Variants in ARHGEF10 observed in about 807,000 individuals in gnomAD.
ARHGEF10 encodes the protein Rho guanine nucleotide exchange factor 10, also known as Rho guanine nucleotide exchange factor (GEF) 10.
A neutral mutation model predicts 147.4 loss-of-function variants in ARHGEF10; 140 were observed. The ratio of observed to expected loss-of-function variants is 0.95; its 90% CI spans 0.83 to 1.09. ARHGEF10 has a LOEUF of 1.09. Ranked by LOEUF, ARHGEF10 falls within the 50% of genes least tolerant of loss-of-function variation. ARHGEF10 has a pLI of 0.00. For missense variants in ARHGEF10, 2,222 were observed against 1,752.7 expected (o/e 1.27, Z -4.78); for synonymous variants, 902 against 695.8 (o/e 1.30, Z -4.67).
Position 1,882,747 on chromosome 8 carries a change from A to G in ARHGEF10, c.1073A>G (p.Gln358Arg), listed in dbSNP as rs1009081245. 25 of 1,402,916 alleles carry G rather than the reference A, an allele frequency of 1.8e-5. No homozygotes were observed. Among genetic ancestry groups the G allele is most frequent in the Non-Finnish European group, 2.4e-5 (25 of 1,055,152 alleles). 86.9% of individuals were successfully genotyped at this position (1,402,916 alleles called of 1,614,324 possible). Residue 358 changes from glutamine (Q) to arginine (R), a missense_variant and splice_region_variant, in exon 10 of 29, where the codon CAG becomes CGG. Physicochemically the swap from Gln to Arg is conservative, Grantham distance 43 (BLOSUM62 1). Transcript: ENST00000349830. ...SFIRTKSLIA[Q>R]DHRSSLEEEQ... Reference sequence around the variant, plus strand: ...ATCAGGACCAAGTCTCTCATCGCACAGGGTCCGTGCCTGCAGGTCTTCTTG... The same window carrying G: ...ATCAGGACCAAGTCTCTCATCGCACGGGGTCCGTGCCTGCAGGTCTTCTTG...
At chr8:1,873,535 C>T (rs1307211905) in intron 7 of ARHGEF10, among the ~76,000 whole-genome samples, 1 of 115,964 alleles carries the variant, frequency 8.6e-6, no homozygotes, top group Admixed American at 9.3e-5. Flanking sequence ...CGGGGTAGTG[C>T]ACCCGCATTT....
intron 15 of ARHGEF10, among the ~76,000 whole-genome samples, chr8:1,902,491 G>C (rs1274034860): frequency 6.6e-6 from 1 of 152,092 alleles, no homozygotes; most frequent in Non-Finnish European, 1.5e-5. Flanking sequence ...AGAAGAGGTA[G>C]CTCAACTCCC....
chr8:1,874,396 G>A (rs1278789801), intron 7 of ARHGEF10, among the ~76,000 whole-genome samples: 1 of 152,208 alleles, frequency 6.6e-6, no homozygotes, highest in Non-Finnish European at 1.5e-5. Context: ...CTTGCCAACT[G>A]CTGTGCGGAA....
At chr8:1,946,481 T>G (rs1402965791) in intron 27 of ARHGEF10, among the ~76,000 whole-genome samples, 5 of 152,156 alleles carry the variant, frequency 3.3e-5, no homozygotes, top group Non-Finnish European at 7.4e-5. Flanking sequence ...GCTTCCTGCT[T>G]TGCAGTTGGT....
intron 7 of ARHGEF10, among the ~76,000 whole-genome samples, chr8:1,872,317 C>T (rs2129099486): frequency 6.6e-6 from 1 of 152,318 alleles, no homozygotes; most frequent in East Asian, 1.9e-4. Flanking sequence ...TGTTTTTATG[C>T]TGGGGTTTAT....
At chr8:1,944,059 C>A (rs1814332346) in intron 26 of ARHGEF10, among the ~76,000 whole-genome samples, 1 of 151,720 alleles carries the variant, frequency 6.6e-6, no homozygotes, top group Non-Finnish European at 1.5e-5. Flanking sequence ...TCCCTGGGGA[C>A]CCCAGCCTCC....
intron 7 of ARHGEF10, among the ~76,000 whole-genome samples, chr8:1,871,651 C>G (rs765215861): frequency 6.6e-6 from 1 of 152,122 alleles, no homozygotes; most frequent in South Asian, 2.1e-4. Context: ...AACCCCATCT[C>G]TACTAAAAGT....
Position 1,954,670 on chromosome 8 carries a change from C to G in ARHGEF10, c.3520+1843C>G, listed in dbSNP as rs1266829290. 5.9e-5 allele frequency among the ~76,000 whole-genome samples: 9 copies of G among 152,228 alleles called. No homozygotes were observed. In the South Asian group the frequency reaches 1.9e-3, roughly 32 times the overall value. ...CAGCTGCCCCTTCTCAGCCTCAGCCCTCTCTGCTCACAACCCTAGGAAATG... is the reference window on the plus strand; with the variant it reads ...CAGCTGCCCCTTCTCAGCCTCAGCCGTCTCTGCTCACAACCCTAGGAAATG... On this transcript the variant is annotated intron_variant, in intron 28 of 28. Transcript: ENST00000349830.
chr8:1,887,828 A>G (rs1270795328), intron 11 of ARHGEF10, among the ~76,000 whole-genome samples: 3 of 117,916 alleles, frequency 2.5e-5, no homozygotes, highest in African/African-American at 6.7e-5. Context: ...GGAGAGGTGA[A>G]AGTTCTGAGG....
intron 17 of ARHGEF10, among the ~76,000 whole-genome samples, chr8:1,907,203 C>T (rs113242971): frequency 0.012 from 1,754 of 152,282 alleles, 45 homozygotes; most frequent in African/African-American, 0.04. Flanking sequence ...AGGTGCTTCC[C>T]ATAGTGTGGA....
chr8:1,926,463 G>C lies in ARHGEF10; in HGVS notation c.2697G>C (p.Trp899Cys), dbSNP rs1812701229. Residue 899 changes from tryptophan to cysteine, a missense_variant and splice_region_variant, in exon 23 of 29, where the codon TGG (tryptophan) becomes TGC (cysteine). Trp to Cys is a radical substitution (Grantham distance 215). Coordinates refer to ENST00000349830, the MANE Select transcript of ARHGEF10 (RefSeq NM_014629.4). ...TTTCCACGGCACATGGTTTCCTGTG[G>C]GTAAGATGTGTTTATTTGGTTTTGG... ...DSFSTAHGFL[W>C]IGSCTHQMGQ... The C allele has an allele frequency of 1.9e-6, 3 of 1,613,306 alleles. No homozygotes were observed. Among genetic ancestry groups the C allele is most frequent in the Non-Finnish European group, 2.5e-6 (3 of 1,179,332 alleles).
rs187199488 is a variant in ARHGEF10 at position 1,926,930 on chromosome 8, G to T, written c.2697+467G>T. 9.7e-4 allele frequency: 274 copies of T among 281,892 alleles called. 1 individual carries two copies. The highest frequency in any genetic ancestry group is 5.9e-3 in the African/African-American group (259 of 44,118). The allele number at this position is 281,892 out of a possible 1,614,324, so 17.5% of individuals were successfully genotyped here. ...TTGCAAACCAGAGGACATTCTTGAA[G>T]CTGTGTGGTCCCAGGCTCTCCCCTC... On this transcript the variant is annotated intron_variant, in intron 23 of 28. Transcript: ENST00000349830.
rs867329302 is a variant in ARHGEF10 at position 1,948,707 on chromosome 8, C to G, written c.3397+3052C>G. ...TGAGCAGGCCAGAGAGTCCTTTCCTCCAGAGAGTCCTTTCATCTCATCTCC... is the reference window on the plus strand; with the variant it reads ...TGAGCAGGCCAGAGAGTCCTTTCCTGCAGAGAGTCCTTTCATCTCATCTCC... On this transcript the variant is annotated intron_variant, in intron 27 of 28. Transcript: ENST00000349830. The surrounding 1 kb of genome is among the most constrained non-coding windows in gnomAD (Gnocchi z 4.9). 6.6e-6 allele frequency among the ~76,000 whole-genome samples: 1 copy of G among 152,178 alleles called. No individual in the cohort carries two copies. Among genetic ancestry groups the G allele is most frequent in the Non-Finnish European group, 1.5e-5 (1 of 68,038 alleles).
At chr8:1,854,684 A>G (rs796599121) in intron 2 of ARHGEF10, among the ~76,000 whole-genome samples, 1 of 152,208 alleles carries the variant, frequency 6.6e-6, no homozygotes, top group African/African-American at 2.4e-5. Context: ...TTTCCCTTGT[A>G]TAGTAGAATT....
chr8:1,861,287 G>C (rs1806109009), intron 4 of ARHGEF10, among the ~76,000 whole-genome samples: 1 of 152,224 alleles, frequency 6.6e-6, no homozygotes, highest in Non-Finnish European at 1.5e-5. Flanking sequence ...AGAGCCACAG[G>C]GTTCTGCTGG....
intron 26 of ARHGEF10, among the ~76,000 whole-genome samples, chr8:1,935,961 G>A (rs1326044008): frequency 1.3e-5 from 2 of 152,224 alleles, no homozygotes; most frequent in Non-Finnish European, 2.9e-5. Context: ...GCCCACCCGT[G>A]TCTGCTGTTA....
intron 1 of ARHGEF10, among the ~76,000 whole-genome samples, chr8:1,830,142 G>T (rs994218664): frequency 6.6e-6 from 1 of 152,236 alleles, no homozygotes; most frequent in Non-Finnish European, 1.5e-5. Context: ...GACTCCTGGT[G>T]ACAAGAGGAG....
intron 2 of ARHGEF10, among the ~76,000 whole-genome samples, chr8:1,853,196 G>A (rs898762267): frequency 4.6e-5 from 7 of 152,150 alleles, no homozygotes; most frequent in African/African-American, 1.4e-4. Flanking sequence ...AGAACCTGCC[G>A]TCCTGAGTGG....
intron 23 of ARHGEF10, among the ~76,000 whole-genome samples, chr8:1,927,969 G>C (rs1412396226): frequency 1.3e-5 from 2 of 152,034 alleles, no homozygotes; most frequent in African/African-American, 4.8e-5. Context: ...AAATTCCACA[G>C]CATACCACAT....
Sources: allele counts gnomAD v4.1 joint callset (sites outside exome capture counted in the v4.1 genomes callset), GRCh38; gene constraint gnomAD v4.1.1; non-coding constraint Gnocchi (gnomAD v3.1); transcripts MANE v1.5; gene names NCBI Gene and HGNC (gene_info 2026-07-23, HGNC 2026-07-21).